Variants in PRKCA observed in about 807,000 individuals in gnomAD.
PRKCA encodes protein kinase C alpha.
In PRKCA, 27 loss-of-function variants were observed where a neutral mutation model predicts 87.0. The observed-to-expected ratio is 0.31, with a 90% CI of 0.23 to 0.43. PRKCA has a LOEUF of 0.43. Among genes scored for constraint, PRKCA ranks in the 20% least tolerant of loss-of-function variants. PRKCA has a pLI of 1.00. For missense variants in PRKCA, 518 were observed against 852.3 expected, an observed-to-expected ratio of 0.61 and a Z score of 4.88; for synonymous variants, 329 against 311.1, an observed-to-expected ratio of 1.06 and a Z score of -0.61.
At chr17:66,776,661 G>A (rs1353980802) in intron 14 of PRKCA, among the ~76,000 whole-genome samples, 2 of 152,142 alleles carry the variant, frequency 1.3e-5, no homozygotes, top group Non-Finnish European at 2.9e-5. Context: ...TCAAGCAGGA[G>A]CAAAAGGAAG....
intron 8 of PRKCA, among the ~76,000 whole-genome samples, chr17:66,719,783 A>T (rs538716848): frequency 6.6e-6 from 1 of 152,380 alleles, no homozygotes; most frequent in African/African-American, 2.4e-5. Context: ...AAATAAAAAT[A>T]AAATTATAGA....
chr17:66,306,013 G>T (rs1904796700), intron 1 of PRKCA, 83 bp from the exon 2 acceptor site: 1 of 1,273,450 alleles, frequency 7.9e-7, no homozygotes, highest in Non-Finnish European at 1.1e-6. Flanking sequence ...TAGTGGTAGA[G>T]TACTTGGTCA....
intron 3 of PRKCA, among the ~76,000 whole-genome samples, chr17:66,575,635 C>T (rs894828203): frequency 6.6e-6 from 1 of 152,120 alleles, no homozygotes; most frequent in Non-Finnish European, 1.5e-5. Flanking sequence ...CAGACTGAGG[C>T]TGACCACAGG....
intron 2 of PRKCA, among the ~76,000 whole-genome samples, chr17:66,406,585 GT>G (rs71160568): frequency 0.03 from 2,129 of 70,218 alleles, 113 homozygotes; most frequent in African/African-American, 0.089. Context: ...GCTTTTCCAG[GT>G]TTTTTTTTTT....
intron 8 of PRKCA, among the ~76,000 whole-genome samples, chr17:66,710,042 C>T (rs1162348058): frequency 6.6e-6 from 1 of 152,138 alleles, no homozygotes; most frequent in Admixed American, 6.5e-5. Flanking sequence ...AAAACACATC[C>T]CTGAATGTAG....
At chr17:66,442,614 A>T (rs113684166) in intron 2 of PRKCA, among the ~76,000 whole-genome samples, 5,853 of 151,938 alleles carry the variant, frequency 0.039, 156 homozygotes, top group Admixed American at 0.057. Flanking sequence ...CTCATCACCC[A>T]CACTTTTTCT....
intron 5 of PRKCA, among the ~76,000 whole-genome samples, chr17:66,660,269 C>T (rs1036207377): frequency 6.6e-6 from 1 of 152,078 alleles, no homozygotes; most frequent in Non-Finnish European, 1.5e-5. Flanking sequence ...TGGTGGGGGT[C>T]CAGTTTTCTG....
chr17:66,479,433 C>T (rs56362112), intron 2 of PRKCA, among the ~76,000 whole-genome samples: 136 of 152,036 alleles, frequency 8.9e-4, no homozygotes, highest in African/African-American at 3.2e-3. Context: ...AACCATTGTG[C>T]AAGACAGTAT....
intron 5 of PRKCA, among the ~76,000 whole-genome samples, chr17:66,669,933 A>G (rs978711078): frequency 9.9e-5 from 15 of 152,246 alleles, no homozygotes; most frequent in South Asian, 2.1e-4. Context: ...ACTTTTAATT[A>G]CAAAGAAAGA....
At chr17:66,485,053 T>TGTTTCCCTCCCTACCAC in intron 2 of PRKCA, among the ~76,000 whole-genome samples, 1 of 152,258 alleles carries the variant, frequency 6.6e-6, no homozygotes, top group African/African-American at 2.4e-5. Context: ...CTCCTTTACA[T>TGTTTCCCTCCCTACCAC]GTTTCCCTCC....
intron 3 of PRKCA, among the ~76,000 whole-genome samples, chr17:66,606,835 G>T (rs1381938691): frequency 6.6e-6 from 1 of 151,862 alleles, no homozygotes; most frequent in Non-Finnish European, 1.5e-5. Context: ...AAAGACTAAT[G>T]ATGCAAATTA....
rs577965155 is a variant in PRKCA, at chr17:66,782,059, G to A, written c.1606-4808G>A. Among the ~76,000 whole-genome samples the A allele has an allele frequency of 7.2e-5, 11 of 151,846 alleles. No homozygotes were observed. The South Asian group carries it at 8.3e-4, about 12-fold the overall frequency. On this transcript the variant is annotated intron_variant, in intron 14 of 16. Transcript: ENST00000413366. ...CTCCCAGGTAGCAGGGACTACAGGC[G>A]CACTCTACCATGTCCAGCTAATTTT...
intron 14 of PRKCA, chr17:66,775,105 G>A: frequency 1.0e-6 from 1 of 985,436 alleles, no homozygotes; most frequent in Non-Finnish European, 1.2e-6. Flanking sequence ...GGAGAAATCT[G>A]AGACCCTACA....
chr17:66,694,063 A>T (rs1395301077), intron 8 of PRKCA, among the ~76,000 whole-genome samples: 3 of 152,214 alleles, frequency 2.0e-5, no homozygotes, highest in African/African-American at 7.2e-5. Context: ...TCCTGATACG[A>T]TAGGATATTA....
At chr17:66,318,702 A>G (rs1905463094) in intron 2 of PRKCA, among the ~76,000 whole-genome samples, 1 of 152,150 alleles carries the variant, frequency 6.6e-6, no homozygotes, top group Non-Finnish European at 1.5e-5. Context: ...TAAAAATACA[A>G]AAATTAGCCA....
At chr17:66,438,420 T>C (rs1249762797) in intron 2 of PRKCA, among the ~76,000 whole-genome samples, 1 of 152,086 alleles carries the variant, frequency 6.6e-6, no homozygotes, top group East Asian at 1.9e-4. Context: ...AGCCCAAACC[T>C]GTGAACACCC....
chr17:66,761,368 C>CA (rs796715547), intron 13 of PRKCA, among the ~76,000 whole-genome samples: 30,441 of 134,048 alleles, frequency 0.23, 3,263 homozygotes, highest in African/African-American at 0.3. Flanking sequence ...GACTCCGTCT[C>CA]AAAAAAAAAA....
At chr17:66,324,090 A>G (rs993388961) in intron 2 of PRKCA, among the ~76,000 whole-genome samples, 11 of 152,110 alleles carry the variant, frequency 7.2e-5, no homozygotes, top group African/African-American at 2.7e-4. Context: ...GCACTGGAAC[A>G]TCTGGTGGCA....
At chr17:66,595,463 CTTTT>C (rs374376124) in intron 3 of PRKCA, among the ~76,000 whole-genome samples, 6 of 116,544 alleles carry the variant, frequency 5.1e-5, no homozygotes, top group African/African-American at 1.0e-4. Context: ...TCTTTTCCTT[CTTTT>C]TTTTTTTTTT....
Sources: allele counts gnomAD v4.1 joint callset (sites outside exome capture counted in the v4.1 genomes callset), GRCh38; gene constraint gnomAD v4.1.1; transcripts MANE v1.5; gene names NCBI Gene and HGNC (gene_info 2026-07-23, HGNC 2026-07-21).